Variants in IL1RAPL2 observed in about 807,000 individuals in gnomAD.
IL1RAPL2 encodes the protein X-linked interleukin-1 receptor accessory protein-like 2.
IL1RAPL2 carries 3 observed loss-of-function variants against 44.1 expected under a neutral mutation model. The observed-to-expected ratio is 0.07, with a 90% CI of 0.03 to 0.18. IL1RAPL2 has a LOEUF of 0.18. Among genes scored for constraint, IL1RAPL2 ranks in the 10% least tolerant of loss-of-function variants. IL1RAPL2 has a pLI of 1.00. For missense variants in IL1RAPL2, 391 were observed against 496.4 expected, an observed-to-expected ratio of 0.79 and a Z score of 2.02; for synonymous variants, 181 against 178.8, an observed-to-expected ratio of 1.01 and a Z score of -0.10.
At chrX:105,044,707 A>G (rs1174747268) in intron 2 of IL1RAPL2, among the ~76,000 whole-genome samples, 1 of 111,509 alleles carries the variant, frequency 9.0e-6, no homozygotes, top group Admixed American at 9.6e-5. Context: ...AGACCCCTAG[A>G]TATCTTTCCC....
rs147152343 is a variant in IL1RAPL2 at position 104,880,658 on chromosome X, T to C, written c.82+221663T>C. Among the ~76,000 whole-genome samples the C allele has an allele frequency of 3.4e-4, 38 of 112,060 alleles. No individual in the cohort carries two copies. In the East Asian group the frequency reaches 9.6e-3, roughly 28 times the overall value. On this transcript the variant is annotated intron_variant, in intron 2 of 10. Transcript: ENST00000372582. ...ATTCATTTTGCATATAATAAACTAA[T>C]TAACAAGTACATCACAAAAATCAAA...
At chrX:104,882,872 A>G (rs1923109222) in intron 2 of IL1RAPL2, among the ~76,000 whole-genome samples, 1 of 111,437 alleles carries the variant, frequency 9.0e-6, no homozygotes, top group African/African-American at 3.3e-5. Context: ...AGTCAGCAAG[A>G]CCACAAACCC....
intron 5 of IL1RAPL2, among the ~76,000 whole-genome samples, chrX:105,327,521 A>G (rs2034949376): frequency 8.9e-6 from 1 of 111,887 alleles, no homozygotes; most frequent in Non-Finnish European, 1.9e-5. Context: ...AGTAGCCAAG[A>G]TGATGTGACT....
chrX:105,000,365 A>T (rs966754118), intron 2 of IL1RAPL2, among the ~76,000 whole-genome samples: 9 of 111,158 alleles, frequency 8.1e-5, no homozygotes, highest in Non-Finnish European at 1.5e-4. Flanking sequence ...GTTATTGGGG[A>T]TTTGGGACAG....
At chrX:105,647,843 C>T (rs1485533941) in intron 6 of IL1RAPL2, among the ~76,000 whole-genome samples, 2 of 111,954 alleles carry the variant, frequency 1.8e-5, no homozygotes, top group African/African-American at 6.5e-5. Context: ...CTTTAGCCCT[C>T]AGCAAATCTC....
chrX:104,664,858 A>G (rs1036167858), intron 2 of IL1RAPL2, among the ~76,000 whole-genome samples: 1 of 111,400 alleles, frequency 9.0e-6, no homozygotes, highest in African/African-American at 3.3e-5. Context: ...TCTCATCAAC[A>G]TCAATATATT....
rs758289255 is a variant in IL1RAPL2 at position 105,755,170 on chromosome X, G to A, written c.1193-7G>A. 4.3e-6 allele frequency: 5 copies of A among 1,169,994 alleles called. No homozygotes were observed. Among genetic ancestry groups the A allele is most frequent in the Non-Finnish European group, 5.8e-6 (5 of 865,680 alleles). On this transcript the variant is annotated splice_polypyrimidine_tract_variant and splice_region_variant and intron_variant, in intron 9 of 10. Transcript: ENST00000372582. ...TTACAACCCTTTTGTTGTTCTTTAT[G>A]TTTAAGACAACAAGGAATATGATGC...
In IL1RAPL2 at chrX:104,983,881, A is replaced by G. The variant is rs1160206468; in HGVS notation, c.83-211594A>G. 4.6e-5 allele frequency among the ~76,000 whole-genome samples: 5 copies of G among 109,414 alleles called. No individual in the cohort carries two copies. In the Admixed American group the frequency reaches 5.1e-4, roughly 11 times the overall value. On this transcript the variant is annotated intron_variant, in intron 2 of 10. Transcript: ENST00000372582. ...TTAGCAAGTATAGATGTAGAATTTTAGGAACCTCTGGCCTTTTTACAGGTA... is the reference window on the plus strand; with the variant it reads ...TTAGCAAGTATAGATGTAGAATTTTGGGAACCTCTGGCCTTTTTACAGGTA...
chrX:105,378,493 G>T (rs920253775), intron 5 of IL1RAPL2, among the ~76,000 whole-genome samples: 1 of 111,623 alleles, frequency 9.0e-6, no homozygotes. Context: ...CATTTAAGCA[G>T]AATGATATGG....
chrX:105,668,959 A>G (rs1741711403), intron 6 of IL1RAPL2, among the ~76,000 whole-genome samples: 1 of 111,429 alleles, frequency 9.0e-6, no homozygotes, highest in African/African-American at 3.3e-5. Context: ...CATCCATGTC[A>G]TGGCTCGAGT....
chrX:105,074,202 T>C (rs1272147328), intron 2 of IL1RAPL2, among the ~76,000 whole-genome samples: 1 of 112,020 alleles, frequency 8.9e-6, no homozygotes, highest in Non-Finnish European at 1.9e-5. Context: ...TCAATCCATC[T>C]TGAATTAATT....
At chrX:104,984,433 A>G (rs1397339374) in intron 2 of IL1RAPL2, among the ~76,000 whole-genome samples, 2 of 111,925 alleles carry the variant, frequency 1.8e-5, no homozygotes, top group African/African-American at 3.2e-5. Context: ...AAGTAGAAAG[A>G]AACCTGTTCT....
chrX:105,723,427 C>G (rs1337042796), intron 7 of IL1RAPL2, among the ~76,000 whole-genome samples: 2 of 111,442 alleles, frequency 1.8e-5, no homozygotes, highest in Admixed American at 1.9e-4. Flanking sequence ...AGAATTGCTC[C>G]TTACAGTTAG....
chrX:104,784,981 T>C (rs929644732), intron 2 of IL1RAPL2, among the ~76,000 whole-genome samples: 3 of 110,715 alleles, frequency 2.7e-5, no homozygotes, highest in African/African-American at 9.9e-5. Context: ...ATGCTAGAGG[T>C]GGAGGAGGTG....
At position 104,910,138 on chromosome X, in the gene IL1RAPL2, G is replaced by T. The variant is rs774957491; in HGVS notation, c.82+251143G>T. Among the ~76,000 whole-genome samples the T allele has an allele frequency of 1.4e-3, 159 of 112,252 alleles. 1 individual carries two copies. The highest frequency in any genetic ancestry group is 4.8e-3 in the African/African-American group (147 of 30,929). ...TTTCCAGGTGCCGTCCGTCACCCCT[G>T]TCTTTGACTAGGAAAGGGAACTCCC... On this transcript the variant is annotated intron_variant, in intron 2 of 10. Coordinates refer to ENST00000372582, the MANE Select transcript of IL1RAPL2 (RefSeq NM_017416.2).
chrX:105,525,602 TATTA>T (rs2036590286), intron 6 of IL1RAPL2, among the ~76,000 whole-genome samples: 1 of 111,625 alleles, frequency 9.0e-6, no homozygotes, highest in African/African-American at 3.2e-5. Flanking sequence ...GTAATCACAG[TATTA>T]ATTAAGGATA....
chrX:105,026,063 G>A (rs2031366979), intron 2 of IL1RAPL2, among the ~76,000 whole-genome samples: 1 of 110,510 alleles, frequency 9.0e-6, no homozygotes, highest in South Asian at 3.9e-4. Context: ...CATTGATGGG[G>A]GAATGGGCTC....
At chrX:104,615,705 T>A (rs893936885) in intron 1 of IL1RAPL2, among the ~76,000 whole-genome samples, 1 of 112,274 alleles carries the variant, frequency 8.9e-6, no homozygotes, top group Non-Finnish European at 1.9e-5. Flanking sequence ...CATATATCTT[T>A]GTAATAGAAT....
intron 1 of IL1RAPL2, among the ~76,000 whole-genome samples, chrX:104,585,948 G>C (rs1928552266): frequency 9.0e-6 from 1 of 110,827 alleles, no homozygotes; most frequent in Non-Finnish European, 1.9e-5. Flanking sequence ...ATATTCCTTT[G>C]AGTGTGTACG....
Sources: allele counts gnomAD v4.1 joint callset (sites outside exome capture counted in the v4.1 genomes callset), GRCh38; gene constraint gnomAD v4.1.1; transcripts MANE v1.5; gene names NCBI Gene and HGNC (gene_info 2026-07-23, HGNC 2026-07-21).